CHSY1: variants seen among roughly 807,000 people sequenced by gnomAD.
CHSY1 encodes N-acetylgalactosaminyl-proteoglycan 3-beta-glucuronosyltransferase 1.
A neutral mutation model predicts 59.8 loss-of-function variants in CHSY1; 13 were observed. The observed-to-expected ratio is 0.22, with a 90% confidence interval of 0.14 to 0.35. The LOEUF (loss-of-function observed/expected upper bound fraction) is 0.35, where lower values mean the gene tolerates loss of function less well. Ranked by LOEUF, CHSY1 falls within the 10% of genes least tolerant of loss-of-function variation. CHSY1 has a pLI of 1.00. For synonymous variants in CHSY1, 459 were observed against 401.2 expected (o/e 1.14, Z -1.72); for missense variants, 947 against 1,030.6 (o/e 0.92, Z 1.11).
intron 1 of CHSY1, among the ~76,000 whole-genome samples, chr15:101,245,189 G>A (rs878951571): frequency 6.6e-6 from 1 of 152,258 alleles, no homozygotes; most frequent in South Asian, 2.1e-4. Flanking sequence ...AGCCTGGCAC[G>A]CAGACCTTCC....
chr15:101,177,201 G>A lies in CHSY1; in HGVS notation c.*187C>T. On this transcript the variant is annotated 3_prime_UTR_variant, in exon 3 of 3. Coordinates refer to ENST00000254190, the MANE Select transcript of CHSY1 (RefSeq NM_014918.5). Reference sequence around the variant, plus strand: ...AGGTCTGCTACATAATGTTCAGCAAGAAGATGTGTTCAAAGGCAAACACTG... The same window carrying A: ...AGGTCTGCTACATAATGTTCAGCAAAAAGATGTGTTCAAAGGCAAACACTG... 5 of 552,972 alleles carry A rather than the reference G, an allele frequency of 9.0e-6. No individual in the cohort carries two copies. The highest frequency in any genetic ancestry group is 9.4e-6 in the Non-Finnish European group (3 of 319,432). The allele number at this position is 552,972 out of a possible 1,614,324, so 34.3% of individuals were successfully genotyped here.
chr15:101,236,761 C>CT (rs1364409825), intron 1 of CHSY1, among the ~76,000 whole-genome samples: 1 of 152,074 alleles, frequency 6.6e-6, no homozygotes, highest in Non-Finnish European at 1.5e-5. Flanking sequence ...GAAGGCGAAG[C>CT]TTGCAGCGAG....
At chr15:101,241,205 C>T (rs2038998262) in intron 1 of CHSY1, among the ~76,000 whole-genome samples, 1 of 152,196 alleles carries the variant, frequency 6.6e-6, no homozygotes, top group Non-Finnish European at 1.5e-5. Flanking sequence ...ATTCTCCTGC[C>T]TCAGCCTCCC....
chr15:101,192,773 CT>C (rs1188119346), intron 2 of CHSY1, among the ~76,000 whole-genome samples: 1 of 152,106 alleles, frequency 6.6e-6, no homozygotes, highest in Admixed American at 6.5e-5. Context: ...GATGTCATAG[CT>C]GAAAGTAATC....
chr15:101,189,125 G>A (rs2038410340), intron 2 of CHSY1, among the ~76,000 whole-genome samples: 1 of 152,204 alleles, frequency 6.6e-6, no homozygotes, highest in Non-Finnish European at 1.5e-5. Context: ...AGAAACAAGC[G>A]CGAACACAAG....
chr15:101,243,012 T>C (rs765759311), intron 1 of CHSY1, among the ~76,000 whole-genome samples: 16 of 152,148 alleles, frequency 1.1e-4, no homozygotes, highest in Non-Finnish European at 1.8e-4. Context: ...TCCTAAAAAA[T>C]AGACTTGAGG....
chr15:101,216,523 G>A (rs950563306), intron 2 of CHSY1, among the ~76,000 whole-genome samples: 3 of 152,322 alleles, frequency 2.0e-5, no homozygotes, highest in East Asian at 1.9e-4. Flanking sequence ...ACATCCGTAC[G>A]ATGGAATAAT....
chr15:101,251,057 C>A lies in CHSY1; in HGVS notation c.320+80G>T, dbSNP rs7171436. 249,772 of 1,352,892 alleles carry A rather than the reference C, an allele frequency of 0.18. 27,181 individuals are homozygous for A. The highest frequency in any genetic ancestry group is 0.42 in the African/African-American group (28,355 of 67,472). The allele number at this position is 1,352,892 out of a possible 1,614,324, so 83.8% of individuals were successfully genotyped here. ...GAAGGGCCTAGGAAGCGGGCGGAGG[C>A]GAGAGCCAGGAGAGCACCCGGGATG... On this transcript the variant is annotated intron_variant, in intron 1 of 2. Coordinates refer to ENST00000254190, the MANE Select transcript of CHSY1 (RefSeq NM_014918.5).
At chr15:101,218,190 G>C (rs1366053674) in intron 2 of CHSY1, among the ~76,000 whole-genome samples, 1 of 152,246 alleles carries the variant, frequency 6.6e-6, no homozygotes, top group Non-Finnish European at 1.5e-5. Context: ...CACTGGCACA[G>C]ACAGGCGACA....
chr15:101,186,060 T>TA (rs1227708724), intron 2 of CHSY1, among the ~76,000 whole-genome samples: 5 of 148,724 alleles, frequency 3.4e-5, no homozygotes, highest in Non-Finnish European at 7.4e-5. Context: ...CCTTAAGTAG[T>TA]ATAGTCAGGC....
At position 101,177,948 on chromosome 15, in the gene CHSY1, C is replaced by T; in HGVS notation, c.1849G>A (p.Gly617Arg). 1 of 1,614,160 alleles carries T rather than the reference C, an allele frequency of 6.2e-7. No individual in the cohort carries two copies. The highest frequency in any genetic ancestry group is 8.5e-7 in the Non-Finnish European group (1 of 1,179,994). Reference sequence around the variant, plus strand: ...GATTCATTGTTAAACTGGGAGGATCCTACTTCCAGGGCCAGGGCTCTTGAA... The same window carrying T: ...GATTCATTGTTAAACTGGGAGGATCTTACTTCCAGGGCCAGGGCTCTTGAA... ...EFSRALALEV[G>R]SSQFNNESLL... The change falls in exon 3 of 3, where the codon GGA (glycine) becomes AGA (arginine). Residue 617 changes from glycine to arginine, a missense_variant. Gly to Arg is a moderately radical substitution (Grantham distance 125, BLOSUM62 -2). Coordinates refer to ENST00000254190, the MANE Select transcript of CHSY1 (RefSeq NM_014918.5).
chr15:101,212,474 G>C (rs139513858), intron 2 of CHSY1, among the ~76,000 whole-genome samples: 3 of 152,322 alleles, frequency 2.0e-5, no homozygotes, highest in African/African-American at 7.2e-5. Context: ...CGACTGTATG[G>C]ATGAGCCTCA....
intron 2 of CHSY1, among the ~76,000 whole-genome samples, chr15:101,227,485 C>T (rs554932506): frequency 1.3e-5 from 2 of 151,668 alleles, no homozygotes; most frequent in Admixed American, 6.6e-5. Flanking sequence ...AACAAACAAA[C>T]AAAAAAACAG....
chr15:101,247,855 C>T (rs2039066715), intron 1 of CHSY1, among the ~76,000 whole-genome samples: 1 of 152,112 alleles, frequency 6.6e-6, no homozygotes, highest in Admixed American at 6.5e-5. Context: ...TGTGGACGGG[C>T]ATATCTCCTT....
At chr15:101,188,081 G>A in intron 2 of CHSY1, 1 of 985,426 alleles carries the variant, frequency 1.0e-6, no homozygotes, top group South Asian at 4.7e-5. Flanking sequence ...CCTGTTAACT[G>A]TTTACATGAC....
intron 1 of CHSY1, among the ~76,000 whole-genome samples, chr15:101,241,458 AG>A (rs1280417443): frequency 6.6e-6 from 1 of 152,260 alleles, no homozygotes; most frequent in African/African-American, 2.4e-5. Flanking sequence ...CTGGAAAAAA[AG>A]TTTTAACTGG....
intron 2 of CHSY1, among the ~76,000 whole-genome samples, chr15:101,196,351 C>A (rs1204436428): frequency 1.3e-5 from 2 of 152,018 alleles, no homozygotes; most frequent in East Asian, 1.9e-4. Flanking sequence ...TTTGCTGGCT[C>A]TTATTCAGGC....
rs1298897573 is a variant in CHSY1 at position 101,177,472 on chromosome 15, C to T, written c.2325G>A (p.Gln775=). The T allele has an allele frequency of 4.3e-6, 7 of 1,613,044 alleles. No homozygotes were observed. The highest frequency in any genetic ancestry group is 5.9e-6 in the Non-Finnish European group (7 of 1,179,732). The change falls in exon 3 of 3, where the codon CAG becomes CAA. Residue 775 remains glutamine (Q), a synonymous_variant. Coordinates refer to ENST00000254190, the MANE Select transcript of CHSY1 (RefSeq NM_014918.5). The part of the protein sequence containing the change: ...GSKASTYGST[Q]QLAEMWLEKN... The stretch of plus-strand genomic sequence containing the variant: ...TTTCCAGCCACATCTCAGCCAGCTG[C>T]TGGGTGGACCCATAGGTCGATGCTT...
intron 2 of CHSY1, among the ~76,000 whole-genome samples, chr15:101,227,188 G>C (rs911777145): frequency 6.6e-6 from 1 of 152,146 alleles, no homozygotes; most frequent in African/African-American, 2.4e-5. Flanking sequence ...AAAAACAACA[G>C]TCTACAATCA....
Sources: allele counts gnomAD v4.1 joint callset (sites outside exome capture counted in the v4.1 genomes callset), GRCh38; gene constraint gnomAD v4.1.1; transcripts MANE v1.5; gene names NCBI Gene and HGNC (gene_info 2026-07-23, HGNC 2026-07-21).